Variants in ARHGAP26 observed in about 807,000 individuals in gnomAD.
ARHGAP26 encodes the protein Rho GTPase activating protein 26.
ARHGAP26 carries 38 observed loss-of-function variants against 104.8 expected under a neutral mutation model. That is an observed-to-expected ratio of 0.36 (90% CI 0.28 to 0.48). ARHGAP26 has a LOEUF of 0.48. Among genes scored for constraint, ARHGAP26 ranks in the 20% least tolerant of loss-of-function variants. The probability of loss-of-function intolerance (pLI) is 0.99; values close to 1 mark genes in which losing one functional copy is unlikely to be tolerated. For missense variants in ARHGAP26, 704 were observed against 947.9 expected (o/e 0.74, Z 3.38); for synonymous variants, 341 against 340.0 (o/e 1.00, Z -0.03).
rs1030113455 is a variant in ARHGAP26 at position 143,227,760 on chromosome 5, G to C, written c.*5314G>C. On this transcript the variant is annotated 3_prime_UTR_variant, in exon 23 of 23. Coordinates refer to ENST00000645722, the MANE Select transcript of ARHGAP26 (RefSeq NM_001135608.3). ...TTATTGAGAGGAAAAAGTGTTGGAT[G>C]CAAAGTAACACCAGGACTAGAGAGA... The C allele has an allele frequency of 4.4e-6, 1 of 225,272 alleles. No homozygotes were observed. Among genetic ancestry groups the C allele is most frequent in the Non-Finnish European group, 8.8e-6 (1 of 113,266 alleles). The allele number at this position is 225,272 out of a possible 1,614,324, so 14.0% of individuals were successfully genotyped here.
chr5:142,949,986 C>T (rs1768058724), intron 11 of ARHGAP26, among the ~76,000 whole-genome samples: 1 of 152,168 alleles, frequency 6.6e-6, no homozygotes, highest in African/African-American at 2.4e-5. Flanking sequence ...TCTTAATATC[C>T]AGAAAAGTAA....
At chr5:142,797,829 A>G (rs751572068) in intron 1 of ARHGAP26, among the ~76,000 whole-genome samples, 45 of 152,256 alleles carry the variant, frequency 3.0e-4, no homozygotes, top group Non-Finnish European at 5.6e-4. Flanking sequence ...TGCTTTTCAA[A>G]CTTTAATGTG....
At chr5:143,034,227 C>A (rs1383214374) in intron 12 of ARHGAP26, among the ~76,000 whole-genome samples, 3 of 152,016 alleles carry the variant, frequency 2.0e-5, no homozygotes, top group African/African-American at 7.3e-5. Flanking sequence ...ATTCTGTGAC[C>A]CAGCGATGCC....
At chr5:142,913,173 C>G in intron 9 of ARHGAP26, 26 bp from the exon 10 acceptor site, 2 of 1,603,416 alleles carry the variant, frequency 1.2e-6, no homozygotes, top group Non-Finnish European at 1.7e-6. Context: ...CTGGCCTCAT[C>G]TTGATAGTCT....
intron 14 of ARHGAP26, among the ~76,000 whole-genome samples, chr5:143,047,811 A>T (rs1784425932): frequency 6.6e-6 from 1 of 151,970 alleles, no homozygotes. Flanking sequence ...TTTCTTAAAA[A>T]AATTTTTTTT....
intron 17 of ARHGAP26, among the ~76,000 whole-genome samples, chr5:143,109,103 A>C (rs1301273638): frequency 6.6e-6 from 1 of 152,228 alleles, no homozygotes; most frequent in Non-Finnish European, 1.5e-5. Flanking sequence ...AATGGACTCT[A>C]CAAATATTAA....
chr5:142,859,434 T>C (rs1752938378), intron 1 of ARHGAP26, among the ~76,000 whole-genome samples: 2 of 152,224 alleles, frequency 1.3e-5, no homozygotes, highest in South Asian at 4.1e-4. Flanking sequence ...CTGGTTTCTT[T>C]CCTGATGTGT....
intron 11 of ARHGAP26, among the ~76,000 whole-genome samples, chr5:142,975,376 G>T (rs975382281): frequency 2.9e-5 from 4 of 139,358 alleles, no homozygotes; most frequent in African/African-American, 1.1e-4. Context: ...GCTTCTTCCA[G>T]AGCTGCCCTG....
chr5:143,093,560 GTC>G (rs1791791162), intron 17 of ARHGAP26, among the ~76,000 whole-genome samples: 1 of 151,190 alleles, frequency 6.6e-6, no homozygotes, highest in East Asian at 1.9e-4. Context: ...CCCTCTTTGT[GTC>G]TCTCTTTCTC....
chr5:143,151,354 A>G (rs1233829591), intron 20 of ARHGAP26, among the ~76,000 whole-genome samples: 3 of 152,222 alleles, frequency 2.0e-5, no homozygotes, highest in East Asian at 1.9e-4. Flanking sequence ...TTTTTAGAAG[A>G]CAGTTTGGTG....
At chr5:143,155,125 A>C (rs934444096) in intron 20 of ARHGAP26, among the ~76,000 whole-genome samples, 1 of 152,150 alleles carries the variant, frequency 6.6e-6, no homozygotes, top group African/African-American at 2.4e-5. Flanking sequence ...GACATTCCCC[A>C]CCTTTGGAAA....
intron 1 of ARHGAP26, among the ~76,000 whole-genome samples, chr5:142,793,164 T>C (rs566939942): frequency 2.6e-5 from 4 of 151,196 alleles, no homozygotes; most frequent in Non-Finnish European, 5.9e-5. Context: ...GCCTGTCCAC[T>C]GGAATGACCA....
intron 6 of ARHGAP26, 104 bp downstream of exon 6, chr5:142,894,452 C>A: frequency 9.8e-7 from 1 of 1,019,524 alleles, no homozygotes; most frequent in Non-Finnish European, 1.5e-6. Context: ...AGAGGTTGAG[C>A]AGCCCTGACA....
At chr5:143,159,097 A>G (rs2151050268) in intron 20 of ARHGAP26, among the ~76,000 whole-genome samples, 1 of 152,370 alleles carries the variant, frequency 6.6e-6, no homozygotes, top group Admixed American at 6.5e-5. Flanking sequence ...AAAGTGGTAC[A>G]GGAACCCAGA....
chr5:142,810,483 T>C (rs947539742), intron 1 of ARHGAP26, among the ~76,000 whole-genome samples: 2 of 152,302 alleles, frequency 1.3e-5, no homozygotes, highest in Non-Finnish European at 2.9e-5. Context: ...CTCTCCCCTC[T>C]CCCCCATCTC....
At chr5:142,815,200 C>T (rs1403601785) in intron 1 of ARHGAP26, among the ~76,000 whole-genome samples, 1 of 151,972 alleles carries the variant, frequency 6.6e-6, no homozygotes, top group South Asian at 2.1e-4. Flanking sequence ...ATGGTTTCAC[C>T]ATGTTGGCCA....
At chr5:142,875,272 A>G in intron 3 of ARHGAP26, 101 bp downstream of exon 3, 1 of 1,208,280 alleles carries the variant, frequency 8.3e-7, no homozygotes. Flanking sequence ...AGACTCTGCC[A>G]TTTGAATGTT....
intron 1 of ARHGAP26, among the ~76,000 whole-genome samples, chr5:142,824,187 G>A (rs770680717): frequency 1.3e-5 from 2 of 152,130 alleles, no homozygotes; most frequent in Non-Finnish European, 2.9e-5. Flanking sequence ...CATGCTCTGT[G>A]TCTTAACAGC....
chr5:143,092,498 T>G (rs1391017725), intron 17 of ARHGAP26, among the ~76,000 whole-genome samples: 1 of 152,188 alleles, frequency 6.6e-6, no homozygotes, highest in Non-Finnish European at 1.5e-5. Context: ...TTAATTTATT[T>G]TAGGATAAGA....
Sources: gnomAD v4.1 joint callset for allele counts (sites outside exome capture counted in the v4.1 genomes callset) on GRCh38, gnomAD v4.1.1 for gene constraint, MANE v1.5 for transcripts, NCBI Gene and HGNC (gene_info 2026-07-23, HGNC 2026-07-21) for gene names.